Variants in CFAP47 observed in about 807,000 individuals in gnomAD.
CFAP47 encodes the protein cilia and flagella associated protein 47, also known as cilia- and flagella-associated protein 47.
In CFAP47, 29 loss-of-function variants were observed where a neutral mutation model predicts 148.1. The observed-to-expected ratio is 0.20, with a 90% confidence interval of 0.15 to 0.27. The LOEUF is 0.27. Ranked by LOEUF, CFAP47 falls within the 10% of genes least tolerant of loss-of-function variation. CFAP47 has a pLI of 1.00. For missense variants in CFAP47, 1,872 were observed against 1,697.5 expected (o/e 1.10, Z -1.81); for synonymous variants, 664 against 577.3 (o/e 1.15, Z -2.15).
chrX:36,160,835 T>A, intron 39 of CFAP47, 66 bp downstream of exon 39: 2 of 270,945 alleles, frequency 7.4e-6, no homozygotes, highest in Admixed American at 6.8e-5. Context: ...GAGACATATG[T>A]GATTTTCTTT....
chrX:36,031,226 A>G, intron 22 of CFAP47, 27 bp from the exon 23 acceptor site: 1 of 289,940 alleles, frequency 3.4e-6, no homozygotes, highest in Non-Finnish European at 6.1e-6. Flanking sequence ...TTGACATTTT[A>G]TCAGTATATT....
At chrX:36,351,369 ATAGT>A (rs1278650296) in intron 59 of CFAP47, among the ~76,000 whole-genome samples, 1 of 111,912 alleles carries the variant, frequency 8.9e-6, no homozygotes, top group Non-Finnish European at 1.9e-5. Flanking sequence ...CTTCCAGAAG[ATAGT>A]TGATTGTATA....
At chrX:36,243,254 TTA>T (rs1388736659) in intron 48 of CFAP47, among the ~76,000 whole-genome samples, 4 of 110,817 alleles carry the variant, frequency 3.6e-5, no homozygotes, top group African/African-American at 1.3e-4. Context: ...CCCATAGACA[TTA>T]TAAAACAACT....
At position 36,179,550 on chromosome X, in the gene CFAP47, A is replaced by C. The variant is rs6632507; in HGVS notation, c.6104+128A>C. 4.8e-3 allele frequency: 1,258 copies of C among 264,368 alleles called. 17 individuals carry two copies. The highest frequency in any genetic ancestry group is 0.03 in the African/African-American group (1,081 of 35,614). The allele number at this position is 264,368 out of a possible 1,213,427, so 21.8% of individuals were successfully genotyped here. On this transcript the variant is annotated intron_variant, in intron 40 of 63. Transcript: ENST00000378653. ...TCAAAATGTTTAATTTACCTAATTC[A>C]CACTCATATCCAAATATATATTTAT...
chrX:36,184,478 CA>C (rs1435304664), intron 40 of CFAP47, among the ~76,000 whole-genome samples: 7 of 111,648 alleles, frequency 6.3e-5, no homozygotes, highest in African/African-American at 2.0e-4. Flanking sequence ...GTATTTCTCA[CA>C]AACCTATGTT....
intron 49 of CFAP47, among the ~76,000 whole-genome samples, chrX:36,271,258 T>A (rs1187692733): frequency 8.9e-6 from 1 of 111,968 alleles, no homozygotes; most frequent in African/African-American, 3.2e-5. Context: ...AAGATACTTA[T>A]ACCAAAACTT....
chrX:36,203,849 A>G (rs1940008990), intron 44 of CFAP47, among the ~76,000 whole-genome samples: 1 of 111,926 alleles, frequency 8.9e-6, no homozygotes, highest in Non-Finnish European at 1.9e-5. Context: ...CCCCATTATC[A>G]TTGTAATCAT....
intron 49 of CFAP47, among the ~76,000 whole-genome samples, chrX:36,261,854 G>C (rs1051114772): frequency 1.8e-5 from 2 of 111,434 alleles, no homozygotes; most frequent in African/African-American, 6.6e-5. Context: ...CCTCCCAGAC[G>C]GGGTGGTGGC....
At chrX:35,989,777 A>G (rs1319191403) in intron 16 of CFAP47, 4 of 281,420 alleles carry the variant, frequency 1.4e-5, no homozygotes, top group African/African-American at 2.8e-5. Context: ...TGACTCAATC[A>G]CCAAGCATGA....
chrX:36,207,757 C>A lies in CFAP47; in HGVS notation c.6817+2647C>A, dbSNP rs186031398. Among the ~76,000 whole-genome samples, 946 of 110,680 alleles carry A rather than the reference C, an allele frequency of 8.5e-3. 9 individuals are homozygous for A. The highest frequency in any genetic ancestry group is 0.029 in the African/African-American group (879 of 30,400). On this transcript the variant is annotated intron_variant, in intron 45 of 63. Transcript: ENST00000378653. Reference sequence around the variant, plus strand: ...GATATTGACTTACAATCCCTTCTACCTGTGGTTCCTGGGATGTTGAAATTT... The same window carrying A: ...GATATTGACTTACAATCCCTTCTACATGTGGTTCCTGGGATGTTGAAATTT...
chrX:36,257,795 A>G (rs1555999240), intron 49 of CFAP47, among the ~76,000 whole-genome samples: 1 of 111,687 alleles, frequency 9.0e-6, no homozygotes, highest in Non-Finnish European at 1.9e-5. Context: ...ATATAACCCT[A>G]CATGGACTCA....
intron 39 of CFAP47, among the ~76,000 whole-genome samples, chrX:36,173,640 T>A (rs919817421): frequency 5.3e-5 from 6 of 112,268 alleles, no homozygotes; most frequent in Non-Finnish European, 9.4e-5. Flanking sequence ...TGAGTTCTAG[T>A]TTGATTGCAC....
chrX:36,255,851 C>T (rs1555998932), intron 49 of CFAP47, among the ~76,000 whole-genome samples: 2 of 109,667 alleles, frequency 1.8e-5, no homozygotes, highest in African/African-American at 3.4e-5. Flanking sequence ...AGTTCTATCT[C>T]GACTTCAAAG....
intron 1 of CFAP47, among the ~76,000 whole-genome samples, chrX:35,923,613 A>G (rs1050302524): frequency 9.1e-6 from 1 of 109,707 alleles, no homozygotes; most frequent in African/African-American, 3.3e-5. Context: ...CGAGTTCAAG[A>G]GATTGAGATC....
chrX:36,319,263 A>G lies in CFAP47; in HGVS notation c.8399A>G (p.Tyr2800Cys). 1.4e-5 allele frequency: 16 copies of G among 1,126,262 alleles called. No individual in the cohort carries two copies. The highest frequency in any genetic ancestry group is 1.9e-5 in the Non-Finnish European group (16 of 844,325). The allele number at this position is 1,126,262 out of a possible 1,213,427, so 92.8% of individuals were successfully genotyped here. A position where few individuals can be genotyped will look rare whatever the true frequency, so the allele number is the denominator to read the frequency against. Reference protein sequence around the residue: ...VMDHCWDSFIYESSAFRFSSP... With the variant: ...VMDHCWDSFICESSAFRFSSP... The stretch of plus-strand genomic sequence containing the variant: ...GATCATTGCTGGGATAGCTTCATCT[A>G]TGAGAGTTCTGCCTTCAGATTTAGT... Residue 2800 changes from tyrosine (Y) to cysteine (C), a missense_variant, in exon 57 of 64, where the codon TAT becomes TGT. Tyr to Cys is a radical substitution (Grantham distance 194). Coordinates refer to ENST00000378653, the MANE Select transcript of CFAP47 (RefSeq NM_001304548.2).
intron 22 of CFAP47, among the ~76,000 whole-genome samples, chrX:36,022,298 A>G (rs1937168633): frequency 9.0e-6 from 1 of 111,606 alleles, no homozygotes; most frequent in Non-Finnish European, 1.9e-5. Context: ...AATATTTCAT[A>G]TCACTCCAAC....
intron 57 of CFAP47, among the ~76,000 whole-genome samples, chrX:36,320,896 T>A (rs1373803388): frequency 8.9e-6 from 1 of 112,121 alleles, no homozygotes; most frequent in Non-Finnish European, 1.9e-5. Context: ...TAACTGTCAT[T>A]CTTTTGACCT....
intron 8 of CFAP47, among the ~76,000 whole-genome samples, chrX:35,961,240 G>A (rs1010382339): frequency 8.9e-6 from 1 of 111,890 alleles, no homozygotes; most frequent in African/African-American, 3.2e-5. Flanking sequence ...ATCGTATTTA[G>A]TTGAGGATTT....
At chrX:35,962,922 A>T (rs1936350259) in intron 8 of CFAP47, among the ~76,000 whole-genome samples, 1 of 96,552 alleles carries the variant, frequency 1.0e-5, no homozygotes, top group Non-Finnish European at 2.0e-5. Context: ...GATAAATAAA[A>T]TGTGGTGTGT....
Sources: gnomAD v4.1 joint callset for allele counts (sites outside exome capture counted in the v4.1 genomes callset) on GRCh38, gnomAD v4.1.1 for gene constraint, MANE v1.5 for transcripts, NCBI Gene and HGNC (gene_info 2026-07-23, HGNC 2026-07-21) for gene names.